ROCK1: variants seen among roughly 807,000 people sequenced by gnomAD.
ROCK1 encodes the protein Rho associated coiled-coil containing protein kinase 1.
ROCK1 carries 36 observed loss-of-function variants against 196.8 expected under a neutral mutation model. The ratio of observed to expected loss-of-function variants is 0.18; its 90% CI spans 0.14 to 0.24. ROCK1 has a LOEUF of 0.24. Among genes scored for constraint, ROCK1 ranks in the 10% least tolerant of loss-of-function variants. The pLI is 1.00. For synonymous variants in ROCK1, 443 were observed against 515.9 expected (o/e 0.86, Z 1.91); for missense variants, 920 against 1,562.0 (o/e 0.59, Z 6.93).
intron 22 of ROCK1, 69 bp downstream of exon 22, chr18:20,979,841 T>G: frequency 1.4e-6 from 2 of 1,462,620 alleles, no homozygotes; most frequent in Non-Finnish European, 1.8e-6. Context: ...GGCACATCTA[T>G]TCACTAACTT....
intron 11 of ROCK1, among the ~76,000 whole-genome samples, chr18:21,021,933 C>T (rs915558275): frequency 1.3e-5 from 2 of 152,124 alleles, no homozygotes; most frequent in Non-Finnish European, 2.9e-5. Flanking sequence ...AACAGCTCTA[C>T]TGGGATTAAA....
rs557715453 is a variant in ROCK1 at position 20,996,625 on chromosome 18, T to C, written c.1886-3688A>G. 3.8e-4 allele frequency among the ~76,000 whole-genome samples: 58 copies of C among 152,180 alleles called. 2 individuals are homozygous for C. The South Asian group carries it at 0.012, about 32-fold the overall frequency. On this transcript the variant is annotated intron_variant, in intron 16 of 32. Transcript: ENST00000399799. ...TTCCAGGGTGGTGGCCATAGGGTAA[T>C]GGTAAGTACACTGAAAAACACTACT... is the stretch of plus-strand genomic sequence containing the variant.
At chr18:21,063,125 C>G (rs901338180) in intron 2 of ROCK1, among the ~76,000 whole-genome samples, 1 of 152,138 alleles carries the variant, frequency 6.6e-6, no homozygotes, top group African/African-American at 2.4e-5. Flanking sequence ...CAAGAGCTCA[C>G]TTTTATAACC....
At position 21,015,628 on chromosome 18, in the gene ROCK1, T is replaced by C. The variant is rs535011164; in HGVS notation, c.1362-149A>G. On this transcript the variant is annotated intron_variant, in intron 12 of 32. Transcript: ENST00000399799. ...CTCTTTGGCAGTCAAGTGAAGCCTATGGCCTTTTTTCAAAATATTTTTTGA... is the reference window on the plus strand; with the variant it reads ...CTCTTTGGCAGTCAAGTGAAGCCTACGGCCTTTTTTCAAAATATTTTTTGA... 1.1e-4 allele frequency: 67 copies of C among 620,186 alleles called. No individual in the cohort carries two copies. The East Asian group carries it at 1.3e-3, about 12-fold the overall frequency. The allele number at this position is 620,186 out of a possible 1,614,324, so 38.4% of individuals were successfully genotyped here.
intron 11 of ROCK1, among the ~76,000 whole-genome samples, chr18:21,020,776 T>C (rs923929449): frequency 6.6e-6 from 1 of 152,170 alleles, no homozygotes. Context: ...GAAAATATGA[T>C]ATATTTGGGA....
intron 22 of ROCK1, among the ~76,000 whole-genome samples, chr18:20,978,462 T>C (rs1485151438): frequency 1.3e-5 from 2 of 152,220 alleles, no homozygotes; most frequent in Non-Finnish European, 2.9e-5. Context: ...TATTATAATA[T>C]GGTAGACACT....
At chr18:21,105,560 C>T (rs1215243264) in intron 1 of ROCK1, among the ~76,000 whole-genome samples, 2 of 152,128 alleles carry the variant, frequency 1.3e-5, no homozygotes, top group African/African-American at 2.4e-5. Context: ...AATCCAGATT[C>T]GAAAATGCTA....
At chr18:21,056,210 C>CCAAATT (rs2036243859) in intron 2 of ROCK1, among the ~76,000 whole-genome samples, 1 of 152,128 alleles carries the variant, frequency 6.6e-6, no homozygotes, top group Non-Finnish European at 1.5e-5. Context: ...ATATCAACTT[C>CCAAATT]CAAATTTTTA....
At chr18:21,042,032 TA>T in intron 8 of ROCK1, 64 bp downstream of exon 8, 1 of 1,464,220 alleles carries the variant, frequency 6.8e-7, no homozygotes, top group Non-Finnish European at 9.3e-7. Context: ...ATATGGACCT[TA>T]AAAATGGAGC....
chr18:21,030,319 T>A (rs2035994949), intron 9 of ROCK1, among the ~76,000 whole-genome samples: 2 of 152,184 alleles, frequency 1.3e-5, no homozygotes, highest in South Asian at 4.1e-4. Flanking sequence ...TCTGGGTACA[T>A]ATTCTGGTTG....
At chr18:20,979,308 T>TTA (rs1479496221) in intron 22 of ROCK1, among the ~76,000 whole-genome samples, 2 of 152,132 alleles carry the variant, frequency 1.3e-5, no homozygotes, top group East Asian at 1.9e-4. Context: ...ACAGCATGAT[T>TTA]TATATATAAA....
intron 1 of ROCK1, among the ~76,000 whole-genome samples, chr18:21,108,041 T>G (rs147075396): frequency 6.6e-6 from 1 of 150,992 alleles, no homozygotes; most frequent in Non-Finnish European, 1.5e-5. Context: ...GGCAACAGAG[T>G]GAGATTCCAT....
At chr18:20,965,651 A>G (rs1255246982) in intron 27 of ROCK1, among the ~76,000 whole-genome samples, 1 of 152,182 alleles carries the variant, frequency 6.6e-6, no homozygotes, top group Non-Finnish European at 1.5e-5. Context: ...TCAAACAATA[A>G]CTAAAGCTAC....
At chr18:21,085,819 A>AT (rs1286260413) in intron 1 of ROCK1, among the ~76,000 whole-genome samples, 1 of 152,244 alleles carries the variant, frequency 6.6e-6, no homozygotes, top group Non-Finnish European at 1.5e-5. Context: ...AGTAACAACC[A>AT]CACAGGACTG....
At chr18:21,110,311 C>G (rs1276062048) in intron 1 of ROCK1, among the ~76,000 whole-genome samples, 2 of 152,146 alleles carry the variant, frequency 1.3e-5, no homozygotes, top group Admixed American at 1.3e-4. Context: ...AAACTCAAAT[C>G]ACCTATGAAA....
intron 1 of ROCK1, among the ~76,000 whole-genome samples, chr18:21,097,012 G>T (rs2036618258): frequency 6.6e-6 from 1 of 152,302 alleles, no homozygotes; most frequent in Non-Finnish European, 1.5e-5. Flanking sequence ...TGTGTGAGGA[G>T]GACATGGGGG....
Position 20,966,935 on chromosome 18 carries a change from T to G in ROCK1, c.3334A>C (p.Thr1112Pro), listed in dbSNP as rs35881519. 4,336 of 1,612,472 alleles carry G rather than the reference T, an allele frequency of 2.7e-3. 13 individuals are homozygous for G. The highest frequency in any genetic ancestry group is 2.9e-3 in the Non-Finnish European group (3,422 of 1,179,088). The change falls in exon 27 of 33, where the codon ACT (threonine) becomes CCT (proline). Residue 1112 changes from threonine to proline, a missense_variant. Thr to Pro is a conservative substitution (Grantham distance 38). Around this residue, in one of 6 missense-constraint regions of ROCK1, gnomAD observed 116 missense variants for 204.2 expected, o/e 0.57. Coordinates refer to ENST00000399799, the MANE Select transcript of ROCK1 (RefSeq NM_005406.3). ...SVASFPSADE[T>P]DGNLPESRIE... ...TTCTTACCTGGGAGGTTACCATCAG[T>G]TTCATCAGCACTAGGAAAACTAGCA...
At chr18:20,965,404 TATACATACATACATAC>T (rs35001699) in intron 27 of ROCK1, among the ~76,000 whole-genome samples, 17 of 146,696 alleles carry the variant, frequency 1.2e-4, no homozygotes, top group East Asian at 2.0e-4. Context: ...TACATACATA[TATACATACATACATAC>T]ATACATACAT....
intron 2 of ROCK1, among the ~76,000 whole-genome samples, chr18:21,061,874 GTAAA>G (rs2036294579): frequency 6.6e-6 from 1 of 152,168 alleles, no homozygotes; most frequent in South Asian, 2.1e-4. Flanking sequence ...GGTTGAGTAA[GTAAA>G]TACCAATAAT....
Sources: allele counts gnomAD v4.1 joint callset (sites outside exome capture counted in the v4.1 genomes callset), GRCh38; gene constraint gnomAD v4.1.1; regional missense constraint gnomAD v4.1.1; transcripts MANE v1.5; gene names NCBI Gene and HGNC (gene_info 2026-07-23, HGNC 2026-07-21).